Variants in ADAMTSL1 observed in about 807,000 individuals in gnomAD.
ADAMTSL1 encodes the protein ADAMTS like 1.
In ADAMTSL1, 126 loss-of-function variants were observed where a neutral mutation model predicts 201.8. The ratio of observed to expected loss-of-function variants is 0.62; its 90% confidence interval spans 0.54 to 0.72. The LOEUF is 0.72. Ranked by LOEUF, ADAMTSL1 falls within the 30% of genes least tolerant of loss-of-function variation. The probability of loss-of-function intolerance (pLI) is 0.00; values close to 1 mark genes in which losing one functional copy is unlikely to be tolerated. For synonymous variants in ADAMTSL1, 1,121 were observed against 903.4 expected (o/e 1.24, Z -4.32); for missense variants, 2,679 against 2,277.8 (o/e 1.18, Z -3.59).
intron 2 of ADAMTSL1, among the ~76,000 whole-genome samples, chr9:18,260,366 A>G (rs1239950114): frequency 6.6e-6 from 1 of 152,278 alleles, no homozygotes; most frequent in Non-Finnish European, 1.5e-5. Context: ...CTAGAAGCCC[A>G]TAAAGATTAT....
At chr9:18,492,355 A>G (rs1297497256) in intron 1 of ADAMTSL1, among the ~76,000 whole-genome samples, 2 of 152,208 alleles carry the variant, frequency 1.3e-5, no homozygotes, top group African/African-American at 2.4e-5. Flanking sequence ...ATTGTTTTTC[A>G]AAGTATTAAA....
At chr9:18,465,428 G>T (rs1453594237) in intron 2 of ADAMTSL1, among the ~76,000 whole-genome samples, 1 of 152,166 alleles carries the variant, frequency 6.6e-6, no homozygotes, top group African/African-American at 2.4e-5. Context: ...CGTTTTTCTG[G>T]TGCATAATAT....
At chr9:18,623,247 A>C (rs1826146575) in intron 5 of ADAMTSL1, among the ~76,000 whole-genome samples, 1 of 151,572 alleles carries the variant, frequency 6.6e-6, no homozygotes, top group African/African-American at 2.4e-5. Flanking sequence ...TACTAGCAAA[A>C]AAAAAAAAAA....
intron 1 of ADAMTSL1, among the ~76,000 whole-genome samples, chr9:18,069,748 T>C (rs766056892): frequency 7.9e-5 from 12 of 152,146 alleles, no homozygotes; most frequent in Admixed American, 5.2e-4. Context: ...GAGGTTATGA[T>C]AGAATGAAGC....
At chr9:18,810,438 T>C (rs1023447572) in intron 20 of ADAMTSL1, among the ~76,000 whole-genome samples, 3 of 152,164 alleles carry the variant, frequency 2.0e-5, no homozygotes, top group African/African-American at 7.2e-5. Context: ...GAATACAGGA[T>C]AAATAGATGT....
At chr9:18,853,780 T>G (rs542136176) in intron 23 of ADAMTSL1, among the ~76,000 whole-genome samples, 2 of 152,166 alleles carry the variant, frequency 1.3e-5, no homozygotes, top group Admixed American at 1.3e-4. Context: ...CTCACTGTTA[T>G]AATTTTTGCA....
intron 1 of ADAMTSL1, among the ~76,000 whole-genome samples, chr9:17,947,791 C>T (rs528252047): frequency 1.3e-5 from 2 of 152,110 alleles, no homozygotes; most frequent in African/African-American, 2.4e-5. Flanking sequence ...CTTATGTGCA[C>T]AAGAAATCTT....
At chr9:18,689,464 C>A (rs1457001680) in intron 13 of ADAMTSL1, among the ~76,000 whole-genome samples, 1 of 151,946 alleles carries the variant, frequency 6.6e-6, no homozygotes, top group African/African-American at 2.4e-5. Flanking sequence ...CTTCAGGCAA[C>A]TAACAGGCCA....
chr9:18,444,438 A>G (rs899538855), intron 2 of ADAMTSL1, among the ~76,000 whole-genome samples: 1 of 152,194 alleles, frequency 6.6e-6, no homozygotes, highest in African/African-American at 2.4e-5. Flanking sequence ...TCCAAAATTC[A>G]TGGTTCTCCA....
At chr9:18,628,885 C>A (rs950607982) in intron 5 of ADAMTSL1, among the ~76,000 whole-genome samples, 11 of 152,184 alleles carry the variant, frequency 7.2e-5, no homozygotes, top group Admixed American at 7.2e-4. Flanking sequence ...TGAGGTTTCA[C>A]TATGTTGCCC....
At chr9:18,192,105 A>G (rs1828995231) in intron 2 of ADAMTSL1, among the ~76,000 whole-genome samples, 1 of 152,178 alleles carries the variant, frequency 6.6e-6, no homozygotes, top group Admixed American at 6.5e-5. Context: ...CTTAAAATTA[A>G]TTAAGTCCAT....
intron 20 of ADAMTSL1, among the ~76,000 whole-genome samples, chr9:18,803,240 C>T (rs2131096050): frequency 6.6e-6 from 1 of 152,294 alleles, no homozygotes; most frequent in East Asian, 1.9e-4. Context: ...GAATTTAGTT[C>T]TGTGAAACTT....
chr9:17,981,924 G>T (rs1341998022), intron 1 of ADAMTSL1, among the ~76,000 whole-genome samples: 1 of 152,082 alleles, frequency 6.6e-6, no homozygotes, highest in South Asian at 2.1e-4. Flanking sequence ...ACCATGGTTG[G>T]ACTTTGGCCT....
intron 1 of ADAMTSL1, among the ~76,000 whole-genome samples, chr9:17,957,345 C>T (rs984321511): frequency 6.6e-6 from 1 of 152,072 alleles, no homozygotes; most frequent in Non-Finnish European, 1.5e-5. Context: ...TTCCCTTAGA[C>T]CCTATTAGCA....
chr9:18,624,187 AT>A (rs1436756502), intron 5 of ADAMTSL1, among the ~76,000 whole-genome samples: 1 of 152,234 alleles, frequency 6.6e-6, no homozygotes, highest in African/African-American at 2.4e-5. Context: ...TGCAAAAAAA[AT>A]AAAATAAATT....
chr9:18,080,758 T>G (rs1823464180), intron 1 of ADAMTSL1, among the ~76,000 whole-genome samples: 1 of 152,220 alleles, frequency 6.6e-6, no homozygotes, highest in South Asian at 2.1e-4. Flanking sequence ...CTAAGTAGTA[T>G]TAGACTTGAA....
At chr9:18,726,569 G>T (rs143677501) in intron 15 of ADAMTSL1, among the ~76,000 whole-genome samples, 133 of 151,740 alleles carry the variant, frequency 8.8e-4, no homozygotes, top group African/African-American at 3.1e-3. Context: ...GCAATGACAT[G>T]AGCAGCCCAA....
At chr9:18,601,842 T>C (rs1436957703) in intron 4 of ADAMTSL1, among the ~76,000 whole-genome samples, 2 of 151,806 alleles carry the variant, frequency 1.3e-5, no homozygotes, top group Non-Finnish European at 2.9e-5. Flanking sequence ...ATATATATAG[T>C]GTATATTGAA....
At chr9:18,808,731 C>G (rs576777166) in intron 20 of ADAMTSL1, among the ~76,000 whole-genome samples, 1 of 152,226 alleles carries the variant, frequency 6.6e-6, no homozygotes, top group African/African-American at 2.4e-5. Context: ...ATATTTTAAA[C>G]AAGTGCCCTG....
Sources: allele counts gnomAD v4.1 joint callset (sites outside exome capture counted in the v4.1 genomes callset), GRCh38; gene constraint gnomAD v4.1.1; transcripts MANE v1.5; gene names NCBI Gene and HGNC (gene_info 2026-07-23, HGNC 2026-07-21).